Variants in APBB1IP observed in about 807,000 individuals in gnomAD.
APBB1IP encodes the protein amyloid beta A4 precursor protein-binding family B member 1-interacting protein.
Under a neutral mutation model 64.9 loss-of-function variants are expected in APBB1IP, and 27 were observed. That is an observed-to-expected ratio of 0.42 (90% CI 0.31 to 0.57). APBB1IP has a LOEUF of 0.57. Among genes scored for constraint, APBB1IP ranks in the 20% least tolerant of loss-of-function variants. APBB1IP has a pLI of 0.20. For synonymous variants in APBB1IP, 392 were observed against 331.0 expected, an observed-to-expected ratio of 1.18 and a Z score of -2.00; for missense variants, 812 against 845.5, an observed-to-expected ratio of 0.96 and a Z score of 0.49.
At chr10:26,538,495 G>T (rs1436230912) in intron 10 of APBB1IP, among the ~76,000 whole-genome samples, 1 of 151,604 alleles carries the variant, frequency 6.6e-6, no homozygotes, top group Non-Finnish European at 1.5e-5. Context: ...GCAAAAATTA[G>T]CCAGGCGTGG....
intron 2 of APBB1IP, among the ~76,000 whole-genome samples, chr10:26,448,118 CAT>C (rs1408543189): frequency 7.8e-4 from 116 of 148,706 alleles, no homozygotes; most frequent in African/African-American, 2.5e-3. Context: ...AATCAAGTGA[CAT>C]AAATTTTTAC....
intron 2 of APBB1IP, among the ~76,000 whole-genome samples, chr10:26,451,136 T>C (rs1835461281): frequency 6.6e-6 from 1 of 152,182 alleles, no homozygotes; most frequent in Non-Finnish European, 1.5e-5. Context: ...GAAAGGGGTG[T>C]TTTATTTATT....
Position 26,503,171 on chromosome 10 carries a change from T to C in APBB1IP, c.454-26T>C, listed in dbSNP as rs201024500. 130 of 1,611,488 alleles carry C rather than the reference T, an allele frequency of 8.1e-5. No individual in the cohort carries two copies. The East Asian group carries it at 2.7e-3, about 34-fold the overall frequency. ...CACTGGTATTACTTAATGGACTGTA[T>C]TGAAGAATATCTTGCCCTTTTCCAG... On this transcript the variant is annotated intron_variant, in intron 5 of 14. Transcript: ENST00000376236.
At chr10:26,531,461 A>C (rs1836552371) in intron 8 of APBB1IP, among the ~76,000 whole-genome samples, 2 of 152,104 alleles carry the variant, frequency 1.3e-5, no homozygotes, top group African/African-American at 2.4e-5. Flanking sequence ...AGGTCAGGAG[A>C]TCGAGACCAT....
intron 2 of APBB1IP, among the ~76,000 whole-genome samples, chr10:26,461,745 C>G (rs1425981863): frequency 6.6e-6 from 1 of 151,792 alleles, no homozygotes; most frequent in Non-Finnish European, 1.5e-5. Context: ...TTTTCGTCTT[C>G]TTTTATCCAT....
intron 2 of APBB1IP, among the ~76,000 whole-genome samples, chr10:26,457,019 A>T (rs1320184088): frequency 6.6e-6 from 1 of 152,160 alleles, no homozygotes; most frequent in Non-Finnish European, 1.5e-5. Context: ...AGTGAAGGTT[A>T]TTGGGCTATA....
intron 6 of APBB1IP, among the ~76,000 whole-genome samples, chr10:26,503,702 CA>C (rs1295680051): frequency 6.6e-6 from 1 of 152,110 alleles, no homozygotes; most frequent in Non-Finnish European, 1.5e-5. Context: ...TTGTAATTTT[CA>C]AAAACTTTTA....
intron 13 of APBB1IP, 33 bp from the exon 14 acceptor site, chr10:26,562,292 GC>G (rs1190059667): frequency 6.8e-6 from 10 of 1,478,416 alleles, no homozygotes; most frequent in Non-Finnish European, 7.6e-6. Flanking sequence ...AAAATGCTTT[GC>G]TCACTCTTCT....
At chr10:26,506,250 T>TGTGG (rs1311793998) in intron 6 of APBB1IP, among the ~76,000 whole-genome samples, 12 of 62,420 alleles carry the variant, frequency 1.9e-4, no homozygotes, top group African/African-American at 4.1e-4. Flanking sequence ...CGTGTGTGTG[T>TGTGG]GGGGGGGGGG....
chr10:26,523,781 A>C (rs1836434705), intron 8 of APBB1IP, among the ~76,000 whole-genome samples: 1 of 152,222 alleles, frequency 6.6e-6, no homozygotes, highest in South Asian at 2.1e-4. Flanking sequence ...CCAGCCTGGA[A>C]ACACAGGAGA....
chr10:26,474,952 C>T (rs776350446), intron 2 of APBB1IP, among the ~76,000 whole-genome samples: 21 of 152,160 alleles, frequency 1.4e-4, no homozygotes, highest in Non-Finnish European at 2.6e-4. Flanking sequence ...GTTCTAGAGG[C>T]GGAAACGCCA....
In APBB1IP at chr10:26,494,989, T is replaced by C. The variant is rs951003837; in HGVS notation, c.73-1315T>C. 5.4e-5 allele frequency among the ~76,000 whole-genome samples: 8 copies of C among 148,838 alleles called. No homozygotes were observed. In the South Asian group the frequency reaches 1.8e-3, roughly 33 times the overall value. On this transcript the variant is annotated intron_variant, in intron 3 of 14. Transcript: ENST00000376236. ...AAAGGTGTTAGGATGGCAACCATAT[T>C]TCTTTCTTTCTTTCTTTCTTTTTCT...
At chr10:26,533,945 A>C (rs1281743338) in intron 9 of APBB1IP, among the ~76,000 whole-genome samples, 2 of 151,672 alleles carry the variant, frequency 1.3e-5, no homozygotes. Flanking sequence ...TCTGCCTAGC[A>C]CTCTTCATGT....
At chr10:26,515,338 A>G (rs1470204633) in intron 8 of APBB1IP, among the ~76,000 whole-genome samples, 1 of 152,126 alleles carries the variant, frequency 6.6e-6, no homozygotes, top group Non-Finnish European at 1.5e-5. Flanking sequence ...TGGCTCTGCC[A>G]TTTTCGATAT....
Position 26,438,843 on chromosome 10 carries a change from G to A in APBB1IP, c.-11G>A, listed in dbSNP as rs1835308177. ...TTCCCGCGCCCCGCAGCGCCCCGCA[G>A]AGCAGTCGAGGTAAGTGGCGCTCCC... On this transcript the variant is annotated 5_prime_UTR_variant, in exon 2 of 15. Transcript: ENST00000376236. 1 of 152,486 alleles carries A rather than the reference G, an allele frequency of 6.6e-6. No homozygotes were observed. The highest frequency in any genetic ancestry group is 1.5e-5 in the Non-Finnish European group (1 of 68,266). 9.4% of individuals were successfully genotyped at this position (152,486 alleles called of 1,614,324 possible).
intron 3 of APBB1IP, among the ~76,000 whole-genome samples, chr10:26,493,180 A>T (rs1835978817): frequency 1.3e-5 from 2 of 152,294 alleles, no homozygotes; most frequent in South Asian, 2.1e-4. Context: ...CCTAATGGTT[A>T]TCTCCCTTGT....
At chr10:26,447,420 G>T (rs957964723) in intron 2 of APBB1IP, among the ~76,000 whole-genome samples, 7 of 151,490 alleles carry the variant, frequency 4.6e-5, no homozygotes, top group African/African-American at 1.7e-4. Context: ...ATACCTTGTG[G>T]CCAAATGGAA....
In APBB1IP at chr10:26,510,732, T is replaced by TCACACACA. The variant is rs1491206953; in HGVS notation, c.532-1014_532-1013insACACACAC. 6.2e-3 allele frequency among the ~76,000 whole-genome samples: 679 copies of TCACACACA among 109,324 alleles called. 5 individuals carry two copies. Among genetic ancestry groups the TCACACACA allele is most frequent in the African/African-American group, 0.021 (644 of 30,376 alleles). The allele number at this position is 109,324 out of a possible 152,430, so 71.7% of individuals were successfully genotyped here. A position where few individuals can be genotyped will look rare whatever the true frequency, so the allele number is the denominator to read the frequency against. Reference sequence around the variant, plus strand: ...GCCTAGGCAACAGAGCAAGACCCTGTCTCACACACACACACACACACACAC... The same window carrying TCACACACA: ...GCCTAGGCAACAGAGCAAGACCCTGTCACACACACTCACACACACACACACACACACAC... On this transcript the variant is annotated intron_variant, in intron 6 of 14. Coordinates refer to ENST00000376236, the MANE Select transcript of APBB1IP (RefSeq NM_019043.4).
chr10:26,512,236 G>A (rs1390746411), intron 7 of APBB1IP, among the ~76,000 whole-genome samples: 1 of 152,188 alleles, frequency 6.6e-6, no homozygotes, highest in African/African-American at 2.4e-5. Context: ...ATTCTAGCAG[G>A]TGGTGGCCAG....
Sources: allele counts gnomAD v4.1 joint callset (sites outside exome capture counted in the v4.1 genomes callset), GRCh38; gene constraint gnomAD v4.1.1; transcripts MANE v1.5; gene names NCBI Gene and HGNC (gene_info 2026-07-23, HGNC 2026-07-21).